AXDND1: variants seen among roughly 807,000 people sequenced by gnomAD.
AXDND1 encodes the protein axonemal dynein light chain domain-containing protein 1.
In AXDND1, 110 loss-of-function variants were observed where a neutral mutation model predicts 137.5. The ratio of observed to expected loss-of-function variants is 0.80; its 90% CI spans 0.69 to 0.94. The LOEUF is 0.94. AXDND1 is among the 40% of genes least tolerant of loss of function. The pLI, the probability that AXDND1 is intolerant of heterozygous loss-of-function variation, is 0.00. For synonymous variants in AXDND1, 414 were observed against 399.7 expected (o/e 1.04, Z -0.43); for missense variants, 1,191 against 1,169.8 (o/e 1.02, Z -0.26).
chr1:179,524,127 T>C (rs966470071), intron 21 of AXDND1, among the ~76,000 whole-genome samples: 30 of 152,202 alleles, frequency 2.0e-4, no homozygotes, highest in African/African-American at 7.2e-4. Context: ...ATTTTTGCAA[T>C]TGTGAATTGT....
Position 179,447,853 on chromosome 1 carries a change from C to T in AXDND1, c.1798+2649C>T, listed in dbSNP as rs1038100387. The T allele has an allele frequency of 2.2e-5, 29 of 1,327,056 alleles. No homozygotes were observed. The African/African-American group carries it at 3.9e-4, about 18-fold the overall frequency. The allele number at this position is 1,327,056 out of a possible 1,614,324, so 82.2% of individuals were successfully genotyped here. Reference sequence around the variant, plus strand: ...AGTGCCCAACATCCCACCTGCATTGCCAGTACTTGGTGGTCTCTGAGGAGC... The same window carrying T: ...AGTGCCCAACATCCCACCTGCATTGTCAGTACTTGGTGGTCTCTGAGGAGC... On this transcript the variant is annotated intron_variant, in intron 16 of 25. Coordinates refer to ENST00000367618, the MANE Select transcript of AXDND1 (RefSeq NM_144696.6).
At chr1:179,535,846 T>C (rs1254366489) in intron 25 of AXDND1, among the ~76,000 whole-genome samples, 1 of 152,038 alleles carries the variant, frequency 6.6e-6, no homozygotes, top group African/African-American at 2.4e-5. Flanking sequence ...ACCAACAGTG[T>C]AAAAGTGTTC....
chr1:179,545,450 C>A (rs1036396263), intron 25 of AXDND1: 1 of 152,130 alleles, frequency 6.6e-6, no homozygotes, highest in African/African-American at 2.4e-5. Flanking sequence ...CTGGTCAGTT[C>A]CACTCTTTAC....
intron 19 of AXDND1, among the ~76,000 whole-genome samples, chr1:179,492,409 C>T (rs1368635076): frequency 6.7e-6 from 1 of 148,676 alleles, no homozygotes; most frequent in Admixed American, 6.8e-5. Flanking sequence ...CACTAAATGC[C>T]AACCAAAACT....
intron 16 of AXDND1, among the ~76,000 whole-genome samples, chr1:179,461,952 C>T (rs1380859012): frequency 6.6e-6 from 1 of 152,106 alleles, no homozygotes; most frequent in Non-Finnish European, 1.5e-5. Context: ...TGGGCTGAGA[C>T]AATGAGGTTT....
intron 12 of AXDND1, among the ~76,000 whole-genome samples, chr1:179,419,525 A>C (rs1655326136): frequency 6.7e-6 from 1 of 149,682 alleles, no homozygotes; most frequent in African/African-American, 2.4e-5. Flanking sequence ...GAGGCAGGAG[A>C]ATCAGGCAGG....
intron 15 of AXDND1, among the ~76,000 whole-genome samples, chr1:179,433,587 G>A (rs542190358): frequency 1.3e-5 from 2 of 152,288 alleles, no homozygotes; most frequent in East Asian, 3.9e-4. Context: ...TGGTTTCAAA[G>A]AACTTCTTGA....
intron 25 of AXDND1, among the ~76,000 whole-genome samples, chr1:179,536,287 A>G (rs1296524775): frequency 1.3e-5 from 2 of 152,176 alleles, no homozygotes; most frequent in Non-Finnish European, 2.9e-5. Flanking sequence ...GTCTTTGCCC[A>G]TGCCTATGTC....
At chr1:179,452,999 T>C (rs868138876) in intron 16 of AXDND1, 1 of 152,232 alleles carries the variant, frequency 6.6e-6, no homozygotes, top group Non-Finnish European at 1.5e-5. Flanking sequence ...GGGGCCAACA[T>C]AGAGCTCAGG....
At chr1:179,385,834 T>A (rs1225430071) in intron 9 of AXDND1, among the ~76,000 whole-genome samples, 1 of 152,212 alleles carries the variant, frequency 6.6e-6, no homozygotes, top group Non-Finnish European at 1.5e-5. Flanking sequence ...TAATAGGGGT[T>A]GTCCCTGGTT....
chr1:179,457,309 C>T (rs1661555703), intron 16 of AXDND1: 1 of 624,236 alleles, frequency 1.6e-6, no homozygotes, highest in Non-Finnish European at 2.9e-6. Flanking sequence ...TGTTTGGGCT[C>T]TTTAGGAGAC....
At position 179,445,088 on chromosome 1, in the gene AXDND1, A is replaced by G. The variant is rs1409592053; in HGVS notation, c.1682A>G (p.Asn561Ser). 1.2e-5 allele frequency: 20 copies of G among 1,613,604 alleles called. No individual in the cohort carries two copies. The highest frequency in any genetic ancestry group is 1.7e-5 in the Non-Finnish European group (20 of 1,179,594). Residue 561 changes from asparagine (N) to serine (S), a missense_variant, in exon 16 of 26, where the codon AAT (asparagine) becomes AGT (serine). Transcript: ENST00000367618. Reference sequence around the variant, plus strand: ...GCAGATATTGGGCTTGGGATATTTAATCGGCATAAAAGTTTGGAGGGGGAG... The same window carrying G: ...GCAGATATTGGGCTTGGGATATTTAGTCGGCATAAAAGTTTGGAGGGGGAG... ...NWADIGLGIF[N>S]RHKSLEGEMP...
At chr1:179,414,435 A>ATTTTTTTT (rs869026107) in intron 12 of AXDND1, among the ~76,000 whole-genome samples, 59 of 132,894 alleles carry the variant, frequency 4.4e-4, no homozygotes, top group African/African-American at 1.5e-3. Flanking sequence ...TTATTTATTT[A>ATTTTTTTT]TTTTTTTGAG....
At chr1:179,446,998 T>A (rs1021237918) in intron 16 of AXDND1, among the ~76,000 whole-genome samples, 15 of 152,212 alleles carry the variant, frequency 9.9e-5, no homozygotes, top group African/African-American at 3.4e-4. Flanking sequence ...TGTGTAATGA[T>A]CAAGGTCAGG....
chr1:179,376,664 G>A (rs931184275), intron 4 of AXDND1, among the ~76,000 whole-genome samples: 2 of 152,070 alleles, frequency 1.3e-5, no homozygotes, highest in African/African-American at 4.8e-5. Context: ...GGGTGGTGTT[G>A]TTATTAGTTA....
intron 16 of AXDND1, chr1:179,447,607 G>T: frequency 8.4e-7 from 1 of 1,186,250 alleles, no homozygotes; most frequent in Non-Finnish European, 1.2e-6. Context: ...TAGTGGAGGT[G>T]TCATGCCCTT....
chr1:179,458,629 A>G (rs534138527), intron 16 of AXDND1, among the ~76,000 whole-genome samples: 1 of 152,218 alleles, frequency 6.6e-6, no homozygotes, highest in African/African-American at 2.4e-5. Flanking sequence ...AATACATTTC[A>G]TAAAAATATT....
chr1:179,491,122 A>G (rs1340914331), intron 18 of AXDND1, among the ~76,000 whole-genome samples: 3 of 152,138 alleles, frequency 2.0e-5, no homozygotes, highest in Non-Finnish European at 2.9e-5. Flanking sequence ...CCAGCAGTTC[A>G]AGTTCGGCCT....
chr1:179,471,461 A>G (rs1663925035), intron 17 of AXDND1, among the ~76,000 whole-genome samples: 1 of 152,166 alleles, frequency 6.6e-6, no homozygotes. Context: ...AAATTTGACA[A>G]TTTCATCCAA....
Sources: allele counts gnomAD v4.1 joint callset (sites outside exome capture counted in the v4.1 genomes callset), GRCh38; gene constraint gnomAD v4.1.1; transcripts MANE v1.5; gene names NCBI Gene and HGNC (gene_info 2026-07-23, HGNC 2026-07-21).